The following GPHN variants were observed in gnomAD, a reference collection of about 807,000 sequenced individuals.
GPHN encodes gephyrin.
A neutral mutation model predicts 95.5 loss-of-function variants in GPHN; 17 were observed. That is an observed-to-expected ratio of 0.18 (90% CI 0.12 to 0.27). The LOEUF is 0.27. Among genes scored for constraint, GPHN ranks in the 10% least tolerant of loss-of-function variants. GPHN has a pLI of 1.00. For missense variants in GPHN, 660 were observed against 978.1 expected, an observed-to-expected ratio of 0.67 and a Z score of 4.34; for synonymous variants, 320 against 322.5, an observed-to-expected ratio of 0.99 and a Z score of 0.08.
the GPHN span, chr14:67,651,746 T>A: frequency 3.4e-6 from 1 of 291,782 alleles, no homozygotes; most frequent in East Asian, 8.3e-5. Flanking sequence ...AGTTACTTCC[T>A]TTAAAAATAG....
chr14:67,379,168 G>GAAT, the GPHN span, among the ~76,000 whole-genome samples: 1,501 of 152,294 alleles, frequency 9.9e-3, 10 homozygotes, highest in Non-Finnish European at 0.015. Flanking sequence ...GGGCTGTGAT[G>GAAT]AATAGTGTAT....
At chr14:67,601,512 A>G in the GPHN span, among the ~76,000 whole-genome samples, 1 of 152,186 alleles carries the variant, frequency 6.6e-6, no homozygotes, top group Non-Finnish European at 1.5e-5. Flanking sequence ...TGCAGAAGAA[A>G]TGGATAATAA....
intron 2 of GPHN, 131 bp from the exon 3 acceptor site, chr14:66,776,333 G>C (rs577802610): frequency 5.1e-4 from 368 of 724,006 alleles, no homozygotes; most frequent in Non-Finnish European, 3.6e-5. Context: ...CAAAATGGTT[G>C]TTTTTCCTCC....
At chr14:67,375,443 C>T in the GPHN span, among the ~76,000 whole-genome samples, 5 of 151,568 alleles carry the variant, frequency 3.3e-5, no homozygotes, top group African/African-American at 1.2e-4. Flanking sequence ...CTTAGTGGTA[C>T]TGTTTGTATT....
chr14:67,373,021 A>G, the GPHN span, among the ~76,000 whole-genome samples: 3 of 152,224 alleles, frequency 2.0e-5, no homozygotes, highest in Non-Finnish European at 4.4e-5. Context: ...TGCACAATCA[A>G]TAGATTGACT....
At chr14:67,550,617 G>A in the GPHN span, among the ~76,000 whole-genome samples, 3 of 152,230 alleles carry the variant, frequency 2.0e-5, no homozygotes, top group African/African-American at 4.8e-5. Flanking sequence ...CTAGGAAAAC[G>A]TGAGGGGAAG....
At chr14:67,036,234 A>T (rs1357042947) in intron 10 of GPHN, among the ~76,000 whole-genome samples, 1 of 151,850 alleles carries the variant, frequency 6.6e-6, no homozygotes, top group African/African-American at 2.4e-5. Flanking sequence ...TCAATATAAT[A>T]AAGGTCATTT....
At chr14:67,376,433 T>G in the GPHN span, 2 of 1,581,236 alleles carry the variant, frequency 1.3e-6, no homozygotes, top group South Asian at 2.3e-5. Context: ...TTCATTTTAT[T>G]TCTAGGTTTA....
At chr14:67,561,676 TG>T in the GPHN span, among the ~76,000 whole-genome samples, 1 of 151,994 alleles carries the variant, frequency 6.6e-6, no homozygotes, top group Non-Finnish European at 1.5e-5. Context: ...GGGACCAGCC[TG>T]GGCAACATAG....
At chr14:67,701,357 T>C in the GPHN span, among the ~76,000 whole-genome samples, 14 of 151,750 alleles carry the variant, frequency 9.2e-5, no homozygotes, top group African/African-American at 3.4e-4. Flanking sequence ...CTTATAACTT[T>C]TTTTTGATTA....
the GPHN span, among the ~76,000 whole-genome samples, chr14:67,667,814 G>T: frequency 6.6e-6 from 1 of 152,062 alleles, no homozygotes; most frequent in Admixed American, 6.6e-5. Context: ...CGTGGTGGTG[G>T]GCGCCTGTAG....
chr14:67,691,496 TACTC>T, the GPHN span: 1 of 358,306 alleles, frequency 2.8e-6, no homozygotes. Flanking sequence ...AGGAGCTACT[TACTC>T]ACTGCTTTTG....
chr14:66,517,329 C>T (rs565164967), intron 1 of GPHN, among the ~76,000 whole-genome samples: 181 of 152,136 alleles, frequency 1.2e-3, no homozygotes, highest in Non-Finnish European at 2.0e-3. Context: ...GTAGAAGTTA[C>T]GTTTGGATTA....
intron 1 of GPHN, among the ~76,000 whole-genome samples, chr14:66,628,813 G>A (rs748962728): frequency 6.6e-6 from 1 of 151,682 alleles, no homozygotes; most frequent in Non-Finnish European, 1.5e-5. Context: ...CAATCCCAGT[G>A]CTTTGGGAGG....
chr14:67,365,999 C>T, the GPHN span, among the ~76,000 whole-genome samples: 1 of 151,984 alleles, frequency 6.6e-6, no homozygotes, highest in Admixed American at 6.6e-5. Context: ...AATTATTAAA[C>T]TACTTTGAGA....
chr14:66,858,559 A>C (rs1400364132), intron 4 of GPHN, among the ~76,000 whole-genome samples: 1 of 151,954 alleles, frequency 6.6e-6, no homozygotes, highest in African/African-American at 2.4e-5. Flanking sequence ...AGCCTCTGAG[A>C]CATGCTGGCT....
chr14:67,224,087 ATC>A, the GPHN span: 1 of 801,436 alleles, frequency 1.2e-6, no homozygotes, highest in Non-Finnish European at 1.5e-6. Context: ...TCTCAAATTC[ATC>A]TCTCAAACCT....
the GPHN span, among the ~76,000 whole-genome samples, chr14:67,658,528 T>C: frequency 6.6e-6 from 1 of 151,792 alleles, no homozygotes; most frequent in Non-Finnish European, 1.5e-5. Flanking sequence ...ACCCGGGAGG[T>C]GGAGCTTGCA....
At chr14:66,848,545 G>A (rs1175252174) in intron 4 of GPHN, among the ~76,000 whole-genome samples, 12 of 151,942 alleles carry the variant, frequency 7.9e-5, no homozygotes, top group African/African-American at 1.9e-4. Context: ...CAAATTTCTC[G>A]TTACTTTCTC....
Sources: allele counts gnomAD v4.1 joint callset (sites outside exome capture counted in the v4.1 genomes callset), GRCh38; gene constraint gnomAD v4.1.1; transcripts MANE v1.5; gene names NCBI Gene and HGNC (gene_info 2026-07-23, HGNC 2026-07-21).